DYNLT2B: variants seen among roughly 807,000 people sequenced by gnomAD.
DYNLT2B encodes the protein dynein light chain Tctex-type 2B.
In DYNLT2B, 14 loss-of-function variants were observed where a neutral mutation model predicts 19.5. The observed-to-expected ratio is 0.72, with a 90% confidence interval of 0.47 to 1.12. The LOEUF (loss-of-function observed/expected upper bound fraction) is 1.12, where lower values mean the gene tolerates loss of function less well. Ranked by LOEUF, DYNLT2B falls within the 50% of genes most tolerant of loss-of-function variation. The probability of loss-of-function intolerance (pLI) is 0.00; values close to 1 mark genes in which losing one functional copy is unlikely to be tolerated. For synonymous variants in DYNLT2B, 70 were observed against 59.7 expected (o/e 1.17, Z -0.79); for missense variants, 133 against 174.7 (o/e 0.76, Z 1.35).
chr3:196,298,963 G>A (rs1726285092), intron 3 of DYNLT2B, among the ~76,000 whole-genome samples: 6 of 152,126 alleles, frequency 3.9e-5, no homozygotes, highest in Admixed American at 3.9e-4. Flanking sequence ...CCAGGCTGGA[G>A]TGCAGTGGCA....
At chr3:196,315,811 G>A (rs1242965957) in intron 2 of DYNLT2B, among the ~76,000 whole-genome samples, 2 of 152,144 alleles carry the variant, frequency 1.3e-5, no homozygotes, top group Non-Finnish European at 2.9e-5. Flanking sequence ...GGCGGAGTTT[G>A]CAGTGAGCCA....
At chr3:196,293,486 C>T (rs1271646681) in intron 4 of DYNLT2B, among the ~76,000 whole-genome samples, 8 of 151,584 alleles carry the variant, frequency 5.3e-5, no homozygotes, top group African/African-American at 1.7e-4. Context: ...ATTAGCCGAG[C>T]GTGGTGGCAT....
Position 196,296,001 on chromosome 3 carries a change from C to G in DYNLT2B, c.381+5G>C. 1 of 1,612,308 alleles carries G rather than the reference C, an allele frequency of 6.2e-7. No homozygotes were observed. Among genetic ancestry groups the G allele is most frequent in the Non-Finnish European group, 8.5e-7 (1 of 1,178,848 alleles). ...AAGGGAAAAGAGGTTTCCAAATACA[C>G]TTACATTCATGAAAACATCATGAGT... On this transcript the variant is annotated splice_donor_5th_base_variant and intron_variant, in intron 4 of 4. Coordinates refer to ENST00000325318, the MANE Select transcript of DYNLT2B (RefSeq NM_152773.5).
At chr3:196,300,303 C>T (rs1726319838) in intron 3 of DYNLT2B, among the ~76,000 whole-genome samples, 1 of 152,120 alleles carries the variant, frequency 6.6e-6, no homozygotes, top group South Asian at 2.1e-4. Flanking sequence ...AAGGAAAAAG[C>T]CTCTGACATG....
At chr3:196,300,627 G>A (rs1726328699) in intron 3 of DYNLT2B, among the ~76,000 whole-genome samples, 1 of 151,190 alleles carries the variant, frequency 6.6e-6, no homozygotes. Flanking sequence ...TACTCAGGAG[G>A]CTGAGGCAGG....
At chr3:196,308,094 A>AG (rs1490383552) in intron 2 of DYNLT2B, among the ~76,000 whole-genome samples, 6 of 151,622 alleles carry the variant, frequency 4.0e-5, no homozygotes, top group African/African-American at 1.5e-4. Context: ...AAAAAAAAAA[A>AG]AAAAAGAAAA....
intron 3 of DYNLT2B, among the ~76,000 whole-genome samples, chr3:196,305,119 A>G (rs953466065): frequency 6.6e-6 from 1 of 152,140 alleles, no homozygotes; most frequent in Non-Finnish European, 1.5e-5. Context: ...CCTGGGCTCA[A>G]GTGATCCTCC....
chr3:196,307,043 C>T (rs1726508548), intron 2 of DYNLT2B, 31 bp from the exon 3 acceptor site: 1 of 1,588,770 alleles, frequency 6.3e-7, no homozygotes, highest in Non-Finnish European at 8.6e-7. Flanking sequence ...TATTTATAAG[C>T]AAATATGTAG....
chr3:196,306,887 G>C, intron 3 of DYNLT2B, 56 bp downstream of exon 3: 1 of 1,500,734 alleles, frequency 6.7e-7, no homozygotes, highest in Non-Finnish European at 9.3e-7. Flanking sequence ...CCAAAGGACA[G>C]ATACCTCATA....
chr3:196,295,821 C>A (rs561934654), intron 4 of DYNLT2B, among the ~76,000 whole-genome samples, 185 bp downstream of exon 4: 1 of 152,230 alleles, frequency 6.6e-6, no homozygotes, highest in African/African-American at 2.4e-5. Context: ...AGTTTCCTTG[C>A]CTATAAGCAG....
At chr3:196,295,373 C>G (rs1726197054) in intron 4 of DYNLT2B, among the ~76,000 whole-genome samples, 1 of 152,196 alleles carries the variant, frequency 6.6e-6, no homozygotes, top group South Asian at 2.1e-4. Context: ...GTTGGCCAGG[C>G]TGGTCTTGAA....
intron 3 of DYNLT2B, among the ~76,000 whole-genome samples, chr3:196,300,007 G>A (rs1014311104): frequency 1.3e-5 from 2 of 152,158 alleles, no homozygotes; most frequent in African/African-American, 2.4e-5. Context: ...GAGGGAGTAG[G>A]TGGGTCAGAG....
intron 3 of DYNLT2B, among the ~76,000 whole-genome samples, chr3:196,301,569 C>T (rs764832932): frequency 1.3e-5 from 2 of 151,734 alleles, no homozygotes; most frequent in Non-Finnish European, 2.9e-5. Flanking sequence ...AAAAACTAGG[C>T]GGGTGTGGTG....
chr3:196,314,529 G>C (rs372576524), intron 2 of DYNLT2B, among the ~76,000 whole-genome samples: 3 of 150,840 alleles, frequency 2.0e-5, no homozygotes, highest in East Asian at 3.9e-4. Context: ...ACAAAAGAGA[G>C]AGACCAGGCG....
chr3:196,301,277 T>G (rs1726346746), intron 3 of DYNLT2B, among the ~76,000 whole-genome samples: 2 of 152,022 alleles, frequency 1.3e-5, no homozygotes, highest in Admixed American at 6.6e-5. Flanking sequence ...CATCTGGAGG[T>G]CTATAATTCT....
At position 196,292,752 on chromosome 3, in the gene DYNLT2B, G is replaced by A. The variant is rs1726121809; in HGVS notation, c.382-1378C>T. Among the ~76,000 whole-genome samples, 4 of 152,136 alleles carry A rather than the reference G, an allele frequency of 2.6e-5. No homozygotes were observed. In the South Asian group the frequency reaches 8.3e-4, roughly 32 times the overall value. On this transcript the variant is annotated intron_variant, in intron 4 of 4. Transcript: ENST00000325318. ...CAGCACCACCCAGAGTTCTCCAACA[G>A]GACTGAGCCCTGTCATCCAGCAGTT...
chr3:196,309,222 C>A (rs1726568460), intron 2 of DYNLT2B, among the ~76,000 whole-genome samples: 1 of 152,108 alleles, frequency 6.6e-6, no homozygotes, highest in Non-Finnish European at 1.5e-5. Context: ...TCAAGACCAG[C>A]CTAGGCAGCA....
chr3:196,312,029 C>T (rs867433126), intron 2 of DYNLT2B, among the ~76,000 whole-genome samples: 1 of 152,090 alleles, frequency 6.6e-6, no homozygotes. Context: ...TACAGGCATG[C>T]GCCACCACGC....
In DYNLT2B at chr3:196,318,026, C is replaced by A. The variant is rs750693495; in HGVS notation, c.113+14G>T. On this transcript the variant is annotated intron_variant, in intron 1 of 4. Transcript: ENST00000325318. ...CGCTCGAGGTCGCCCCGCCACAGCC[C>A]GTCCTCTACCCGCCTCTGCTGGAAA... is the stretch of plus-strand genomic sequence containing the variant. 12 of 1,482,974 alleles carry A rather than the reference C, an allele frequency of 8.1e-6. No individual in the cohort carries two copies. Among genetic ancestry groups the A allele is most frequent in the Non-Finnish European group, 9.9e-6 (11 of 1,111,674 alleles). The allele number at this position is 1,482,974 out of a possible 1,614,324, so 91.9% of individuals were successfully genotyped here.
Sources: gnomAD v4.1 joint callset for allele counts (sites outside exome capture counted in the v4.1 genomes callset) on GRCh38, gnomAD v4.1.1 for gene constraint, MANE v1.5 for transcripts, NCBI Gene and HGNC (gene_info 2026-07-23, HGNC 2026-07-21) for gene names.